ZNF738: variants seen among roughly 807,000 people sequenced by gnomAD.
ZNF738 encodes the protein protein ZNF738.
In ZNF738, 10 loss-of-function variants were observed where a neutral mutation model predicts 9.2. The ratio of observed to expected loss-of-function variants is 1.09; its 90% CI spans 0.67 to 1.85. The LOEUF (loss-of-function observed/expected upper bound fraction) is 1.85. ZNF738 is among the 40% of genes most tolerant of loss of function. The pLI is 0.00. For missense variants in ZNF738, 346 were observed against 283.6 expected, an observed-to-expected ratio of 1.22 and a Z score of -1.58; for synonymous variants, 113 against 94.5, an observed-to-expected ratio of 1.20 and a Z score of -1.14.
rs150887839 is a variant in ZNF738 at position 21,374,826 on chromosome 19, T to A, written c.97-412T>A. ...ATCTCAGACTTTATTTCACATCTTC[T>A]GAAAAAAAAAAATCTGCATAAGATC... is the stretch of plus-strand genomic sequence containing the variant. On this transcript the variant is annotated intron_variant, in intron 2 of 4. Coordinates refer to ENST00000683779, the MANE Select transcript of ZNF738 (RefSeq NM_001355237.2). Among the ~76,000 whole-genome samples the A allele has an allele frequency of 2.3e-3, 344 of 151,630 alleles. 1 individual carries two copies. The highest frequency in any genetic ancestry group is 8.0e-3 in the African/African-American group (332 of 41,328).
chr19:21,375,093 T>C, intron 2 of ZNF738, 145 bp from the exon 3 acceptor site: 3 of 511,232 alleles, frequency 5.9e-6, no homozygotes, highest in Non-Finnish European at 7.0e-6. Context: ...TTAGAGAATA[T>C]TTCTGTGTTG....
intron 2 of ZNF738, among the ~76,000 whole-genome samples, chr19:21,365,012 C>T (rs1177965394): frequency 6.7e-6 from 1 of 149,804 alleles, no homozygotes; most frequent in Non-Finnish European, 1.5e-5. Flanking sequence ...CCCACCTTGG[C>T]CTCCCAAAGT....
At position 21,378,606 on chromosome 19, in the gene ZNF738, C is replaced by CTT. The variant is rs11352402; in HGVS notation, c.319+2660_319+2661dup. The CTT allele has an allele frequency of 9.4e-3, 2,479 of 263,342 alleles. 4 individuals are homozygous for CTT. The highest frequency in any genetic ancestry group is 0.023 in the South Asian group (731 of 32,358). 16.3% of individuals were successfully genotyped at this position (263,342 alleles called of 1,614,324 possible). A position where few individuals can be genotyped will look rare whatever the true frequency, so the allele number is the denominator to read the frequency against. ...AAGAGTATTCTTGCAAATAATATCA[C>CTT]TTTTTTTTTTTTTTTTTTTGAGATG... On this transcript the variant is annotated intron_variant, in intron 4 of 4. Coordinates refer to ENST00000683779, the MANE Select transcript of ZNF738 (RefSeq NM_001355237.2).
rs779869103 is a variant in ZNF738 at position 21,386,443 on chromosome 19, G to A, written c.*2769G>A. 2.2e-4 allele frequency: 66 copies of A among 306,684 alleles called. No individual in the cohort carries two copies. Among genetic ancestry groups the A allele is most frequent in the Non-Finnish European group, 3.0e-4 (44 of 148,200 alleles). The allele number at this position is 306,684 out of a possible 1,614,324, so 19.0% of individuals were successfully genotyped here. A position where few individuals can be genotyped will look rare whatever the true frequency, so the allele number is the denominator to read the frequency against. On this transcript the variant is annotated 3_prime_UTR_variant, in exon 5 of 5. Coordinates refer to ENST00000683779, the MANE Select transcript of ZNF738 (RefSeq NM_001355237.2). ...GAAATGTGAAGGATGTGGTAAAGCC[G>A]TTATCCAGTCCTCAACTCCCACTAA...
chr19:21,361,125 T>C (rs1459418737), intron 1 of ZNF738, among the ~76,000 whole-genome samples: 1 of 149,628 alleles, frequency 6.7e-6, no homozygotes, highest in Non-Finnish European at 1.5e-5. Context: ...AAATGGTGTT[T>C]TGGGGGTTTT....
Position 21,387,504 on chromosome 19 carries a change from T to G in ZNF738, c.*3830T>G, listed in dbSNP as rs1404095179. Among the ~76,000 whole-genome samples, 1 of 152,148 alleles carries G rather than the reference T, an allele frequency of 6.6e-6. No homozygotes were observed. The highest frequency in any genetic ancestry group is 1.5e-5 in the Non-Finnish European group (1 of 68,024). ...CACTCCCTGCCTTACTTGATTACATTCAATATAATTCATACTGGAAAGAAA... is the reference window on the plus strand; with the variant it reads ...CACTCCCTGCCTTACTTGATTACATGCAATATAATTCATACTGGAAAGAAA... On this transcript the variant is annotated 3_prime_UTR_variant, in exon 5 of 5. Coordinates refer to ENST00000683779, the MANE Select transcript of ZNF738 (RefSeq NM_001355237.2).
At chr19:21,381,858 G>A (rs1974009072) in intron 4 of ZNF738, 4 of 279,558 alleles carry the variant, frequency 1.4e-5, no homozygotes, top group Non-Finnish European at 2.2e-5. Context: ...AGGGCGGCCT[G>A]GGTGGGCTGC....
Position 21,385,302 on chromosome 19 carries a change from A to G in ZNF738, c.*1628A>G, listed in dbSNP as rs1260759719. ...AAACCCCATCTCTACTAAAAATATAAAAAATTAGCCAGGTGTAGTGGTGCA... is the reference window on the plus strand; with the variant it reads ...AAACCCCATCTCTACTAAAAATATAGAAAATTAGCCAGGTGTAGTGGTGCA... On this transcript the variant is annotated 3_prime_UTR_variant, in exon 5 of 5. Coordinates refer to ENST00000683779, the MANE Select transcript of ZNF738 (RefSeq NM_001355237.2). Among the ~76,000 whole-genome samples, 1 of 152,108 alleles carries G rather than the reference A, an allele frequency of 6.6e-6. No homozygotes were observed. Among genetic ancestry groups the G allele is most frequent in the Admixed American group, 6.6e-5 (1 of 15,258 alleles).
intron 4 of ZNF738, chr19:21,377,608 C>T: frequency 2.1e-6 from 1 of 471,366 alleles, no homozygotes; most frequent in East Asian, 3.3e-5. Flanking sequence ...GCAGTTTTGA[C>T]TTAAAGTACT....
intron 2 of ZNF738, among the ~76,000 whole-genome samples, chr19:21,371,370 G>A (rs1189548268): frequency 6.6e-6 from 1 of 152,172 alleles, no homozygotes; most frequent in African/African-American, 2.4e-5. Flanking sequence ...ATTATGTCAG[G>A]CTAACAAGAA....
intron 2 of ZNF738, among the ~76,000 whole-genome samples, chr19:21,373,045 C>A (rs1000310246): frequency 7.9e-5 from 12 of 151,970 alleles, no homozygotes; most frequent in Non-Finnish European, 1.6e-4. Context: ...AATAATGAGC[C>A]CAAGGGGAGC....
At chr19:21,364,058 G>A (rs577689198) in intron 2 of ZNF738, among the ~76,000 whole-genome samples, 6 of 151,454 alleles carry the variant, frequency 4.0e-5, no homozygotes, top group Admixed American at 1.3e-4. Context: ...TAATCCAGGC[G>A]TAGAGATGTG....
rs1398790218 is a variant in ZNF738, at chr19:21,387,028, C to A, written c.*3354C>A. 1 of 151,700 alleles carries A rather than the reference C, an allele frequency of 6.6e-6. No individual in the cohort carries two copies. The highest frequency in any genetic ancestry group is 2.0e-4 in the East Asian group (1 of 5,040). The allele number at this position is 151,700 out of a possible 1,614,324, so 9.4% of individuals were successfully genotyped here. A position where few individuals can be genotyped will look rare whatever the true frequency, so the allele number is the denominator to read the frequency against. ...CCACTAGTCCTCAGATCTTAACACACATAAGATAATTCATACTGGAAAGAA... is the reference window on the plus strand; with the variant it reads ...CCACTAGTCCTCAGATCTTAACACAAATAAGATAATTCATACTGGAAAGAA... On this transcript the variant is annotated 3_prime_UTR_variant, in exon 5 of 5. Transcript: ENST00000683779.
chr19:21,377,782 G>T (rs1973951238), intron 4 of ZNF738: 1 of 355,970 alleles, frequency 2.8e-6, no homozygotes, highest in African/African-American at 2.1e-5. Context: ...TTGTAGAAAG[G>T]CAAATTGGAT....
At chr19:21,360,241 C>G (rs1973664334) in intron 1 of ZNF738, among the ~76,000 whole-genome samples, 1 of 150,076 alleles carries the variant, frequency 6.7e-6, no homozygotes, top group Non-Finnish European at 1.5e-5. Flanking sequence ...AATTGCCTGC[C>G]ACTTAATTAT....
At chr19:21,369,283 T>C (rs1973826195) in intron 2 of ZNF738, among the ~76,000 whole-genome samples, 1 of 151,852 alleles carries the variant, frequency 6.6e-6, no homozygotes, top group Admixed American at 6.6e-5. Context: ...TTTTCTTTTT[T>C]TATTTTTTGT....
chr19:21,378,153 C>T (rs1973957698), intron 4 of ZNF738: 1 of 386,272 alleles, frequency 2.6e-6, no homozygotes, highest in Non-Finnish European at 4.6e-6. Flanking sequence ...CTTGATGTTG[C>T]TAATTATATT....
In ZNF738 at chr19:21,386,142, TA is replaced by T; in HGVS notation, c.*2471del. The stretch of plus-strand genomic sequence containing the variant: ...CTTTTAAGAAATCCTCATCCATTAC[TA>T]AACAAGATAATTTGTACTGGAGAGA... On this transcript the variant is annotated 3_prime_UTR_variant, in exon 5 of 5. Coordinates refer to ENST00000683779, the MANE Select transcript of ZNF738 (RefSeq NM_001355237.2). 6.6e-6 allele frequency among the ~76,000 whole-genome samples: 1 copy of T among 152,152 alleles called. No individual in the cohort carries two copies. Among genetic ancestry groups the T allele is most frequent in the Non-Finnish European group, 1.5e-5 (1 of 67,974 alleles).
At chr19:21,370,791 A>C (rs1973845376) in intron 2 of ZNF738, among the ~76,000 whole-genome samples, 1 of 151,570 alleles carries the variant, frequency 6.6e-6, no homozygotes, top group Non-Finnish European at 1.5e-5. Context: ...GTAATGCCCA[A>C]GGATGCAGAG....
Sources: allele counts gnomAD v4.1 joint callset (sites outside exome capture counted in the v4.1 genomes callset), GRCh38; gene constraint gnomAD v4.1.1; transcripts MANE v1.5; gene names NCBI Gene and HGNC (gene_info 2026-07-23, HGNC 2026-07-21).